MYPN: variants seen among roughly 807,000 people sequenced by gnomAD.
MYPN encodes sarcomeric protein myopalladin, 145 kDa (MYOP).
MYPN carries 63 observed loss-of-function variants against 129.4 expected under a neutral mutation model. The ratio of observed to expected loss-of-function variants is 0.49; its 90% CI spans 0.40 to 0.60. The LOEUF (loss-of-function observed/expected upper bound fraction) is 0.60, where lower values mean the gene tolerates loss of function less well. Among genes scored for constraint, MYPN ranks in the 20% least tolerant of loss-of-function variants. The pLI is 0.00. For synonymous variants in MYPN, 629 were observed against 600.9 expected (o/e 1.05, Z -0.68); for missense variants, 1,596 against 1,635.4 (o/e 0.98, Z 0.42).
At position 68,150,115 on chromosome 10, in the gene MYPN, A is replaced by T. The variant is rs1387894887; in HGVS notation, c.1317+4A>T. The stretch of plus-strand genomic sequence containing the variant: ...TGCAGCTCCTGTGTTTACAAAGGTA[A>T]TAAAAATATTACTTCTTTCTGTCAT... On this transcript the variant is annotated splice_donor_region_variant and intron_variant, in intron 6 of 19. Transcript: ENST00000358913. 2.5e-6 allele frequency: 4 copies of T among 1,609,170 alleles called. No individual in the cohort carries two copies. Among genetic ancestry groups the T allele is most frequent in the Non-Finnish European group, 2.6e-6 (3 of 1,175,736 alleles).
At chr10:68,143,643 C>T (rs545922319) in intron 3 of MYPN, among the ~76,000 whole-genome samples, 134 of 152,250 alleles carry the variant, frequency 8.8e-4, no homozygotes, top group African/African-American at 3.1e-3. Context: ...CACAAAAGTC[C>T]TTGTAGGTCA....
At chr10:68,149,235 G>A (rs56254343) in intron 5 of MYPN, among the ~76,000 whole-genome samples, 6 of 152,042 alleles carry the variant, frequency 3.9e-5, no homozygotes, top group Non-Finnish European at 5.9e-5. Flanking sequence ...ACTCCCCCCC[G>A]AAAAATGTAT....
chr10:68,160,261 A>T (rs1264137621), intron 7 of MYPN, among the ~76,000 whole-genome samples: 1 of 151,452 alleles, frequency 6.6e-6, no homozygotes, highest in East Asian at 2.0e-4. Context: ...AAAAACAACA[A>T]AAACAAAAAA....
In MYPN at chr10:68,211,047, GT is replaced by G. The variant is rs1366678940; in HGVS notation, c.*593del. The G allele has an allele frequency of 2.2e-6, 1 of 453,966 alleles. No homozygotes were observed. Among genetic ancestry groups the G allele is most frequent in the Non-Finnish European group, 4.4e-6 (1 of 226,806 alleles). The allele number at this position is 453,966 out of a possible 1,614,324, so 28.1% of individuals were successfully genotyped here. On this transcript the variant is annotated 3_prime_UTR_variant, in exon 20 of 20. Transcript: ENST00000358913. ...TGGGTGTACTGAGCCACATAATAAG[GT>G]GTCAAAATGTGCTTGAGATTCCAAA...
intron 2 of MYPN, among the ~76,000 whole-genome samples, chr10:68,141,406 G>A (rs1564658205): frequency 6.6e-6 from 1 of 151,952 alleles, no homozygotes; most frequent in African/African-American, 2.4e-5. Context: ...TAAATGGTGG[G>A]AGGGAGACAG....
intron 1 of MYPN, among the ~76,000 whole-genome samples, chr10:68,093,222 A>G (rs2041939001): frequency 6.6e-6 from 1 of 152,004 alleles, no homozygotes; most frequent in East Asian, 1.9e-4. Flanking sequence ...CCTCATCCCA[A>G]CCTTGAAAAG....
chr10:68,135,948 A>G (rs1209349698), intron 2 of MYPN, among the ~76,000 whole-genome samples: 1 of 152,160 alleles, frequency 6.6e-6, no homozygotes, highest in Non-Finnish European at 1.5e-5. Context: ...AAGTTGGGAT[A>G]GGGACTTTGG....
intron 1 of MYPN, among the ~76,000 whole-genome samples, chr10:68,099,966 C>A (rs943117698): frequency 1.3e-5 from 2 of 152,112 alleles, no homozygotes; most frequent in African/African-American, 4.8e-5. Flanking sequence ...TTGTATGGAC[C>A]TTAGATGTGA....
intron 7 of MYPN, 126 bp downstream of exon 7, chr10:68,158,753 T>A: frequency 1.4e-6 from 1 of 696,600 alleles, no homozygotes; most frequent in Non-Finnish European, 2.3e-6. Flanking sequence ...ACACCTGTAA[T>A]CATACTCCTG....
chr10:68,091,330 A>G (rs1162399274), intron 1 of MYPN, among the ~76,000 whole-genome samples: 1 of 150,364 alleles, frequency 6.7e-6, no homozygotes, highest in African/African-American at 2.4e-5. Context: ...ATATAGATAT[A>G]TGCATATTTA....
intron 5 of MYPN, 39 bp downstream of exon 5, chr10:68,148,506 T>C: frequency 6.6e-7 from 1 of 1,512,726 alleles, no homozygotes; most frequent in Non-Finnish European, 9.2e-7. Context: ...CCATCCACTG[T>C]GACAGACAGT....
At chr10:68,156,326 A>G (rs1160704676) in intron 6 of MYPN, among the ~76,000 whole-genome samples, 1 of 152,188 alleles carries the variant, frequency 6.6e-6, no homozygotes, top group Non-Finnish European at 1.5e-5. Flanking sequence ...ATTTGCTCAG[A>G]GGTCAGGGTG....
intron 5 of MYPN, among the ~76,000 whole-genome samples, chr10:68,148,735 A>G (rs1182217832): frequency 1.3e-5 from 2 of 152,206 alleles, no homozygotes; most frequent in Admixed American, 1.3e-4. Flanking sequence ...CTGATTACAT[A>G]TGCAGTGAGC....
At chr10:68,096,758 C>T (rs962288614) in intron 1 of MYPN, among the ~76,000 whole-genome samples, 1 of 152,166 alleles carries the variant, frequency 6.6e-6, no homozygotes, top group Non-Finnish European at 1.5e-5. Flanking sequence ...GTCTATTAGA[C>T]AATTCACGAT....
In MYPN at chr10:68,166,474, T is replaced by C. The variant is rs2134168589; in HGVS notation, c.1781T>C (p.Ile594Thr). The C allele has an allele frequency of 6.2e-7, 1 of 1,614,022 alleles. No homozygotes were observed. Among genetic ancestry groups the C allele is most frequent in the East Asian group, 2.2e-5 (1 of 44,870 alleles). ...NHNEPRSSSR[I>T]GLRVHFNLPE... The stretch of plus-strand genomic sequence containing the variant: ...AATGAGCCCCGGTCCAGCTCCAGGA[T>C]TGGGCTTCGTGTGCACTTCAACCTG... The change falls in exon 10 of 20, where the codon ATT becomes ACT. Residue 594 changes from isoleucine (I) to threonine (T), a missense_variant. Physicochemically the swap from Ile to Thr is moderately conservative, Grantham distance 89 (BLOSUM62 -1). Transcript: ENST00000358913.
intron 15 of MYPN, 66 bp downstream of exon 15, chr10:68,195,598 C>A: frequency 1.6e-6 from 2 of 1,239,500 alleles, no homozygotes; most frequent in Non-Finnish European, 2.4e-6. Context: ...TCGTGAGCAC[C>A]AAAGTACTGG....
intron 1 of MYPN, among the ~76,000 whole-genome samples, chr10:68,089,634 C>T (rs1028046881): frequency 6.6e-6 from 1 of 152,130 alleles, no homozygotes; most frequent in African/African-American, 2.4e-5. Flanking sequence ...CGTGAGCCAG[C>T]GCGCCTGGCC....
intron 1 of MYPN, among the ~76,000 whole-genome samples, chr10:68,118,785 G>C: frequency 6.6e-6 from 1 of 151,926 alleles, no homozygotes; most frequent in Non-Finnish European, 1.5e-5. Flanking sequence ...AGTGAGCTAT[G>C]ATCATGCCAC....
intron 17 of MYPN, among the ~76,000 whole-genome samples, chr10:68,200,328 T>C (rs2043688473): frequency 6.6e-6 from 1 of 152,232 alleles, no homozygotes; most frequent in Non-Finnish European, 1.5e-5. Context: ...TCTTAGATGA[T>C]GTGAATGAAA....
Sources: allele counts gnomAD v4.1 joint callset (sites outside exome capture counted in the v4.1 genomes callset), GRCh38; gene constraint gnomAD v4.1.1; transcripts MANE v1.5; gene names NCBI Gene and HGNC (gene_info 2026-07-23, HGNC 2026-07-21).